The following TMEM132B variants were observed in gnomAD, a reference collection of about 807,000 sequenced individuals.
The protein encoded by TMEM132B is transmembrane protein 132B.
Under a neutral mutation model 90.8 loss-of-function variants are expected in TMEM132B, and 18 were observed. The ratio of observed to expected loss-of-function variants is 0.20; its 90% CI spans 0.14 to 0.29. The LOEUF is 0.29. Ranked by LOEUF, TMEM132B falls within the 10% of genes least tolerant of loss-of-function variation. TMEM132B has a pLI of 1.00. For missense variants in TMEM132B, 1,096 were observed against 1,326.8 expected, an observed-to-expected ratio of 0.83 and a Z score of 2.70; for synonymous variants, 504 against 523.3, an observed-to-expected ratio of 0.96 and a Z score of 0.50.
chr12:125,273,218 G>T (rs561592270), intron 1 of TMEM132B, among the ~76,000 whole-genome samples: 22 of 152,172 alleles, frequency 1.4e-4, no homozygotes, highest in African/African-American at 5.3e-4. Context: ...AACTTGAATA[G>T]ATACAAAATC....
At chr12:125,606,712 C>T (rs772087789) in intron 5 of TMEM132B, among the ~76,000 whole-genome samples, 21 of 152,214 alleles carry the variant, frequency 1.4e-4, no homozygotes, top group Non-Finnish European at 2.6e-4. Flanking sequence ...TGGGTCTTCT[C>T]TTTGACCTCC....
chr12:125,298,065 C>T (rs932705625), intron 1 of TMEM132B, among the ~76,000 whole-genome samples: 2 of 152,074 alleles, frequency 1.3e-5, no homozygotes, highest in African/African-American at 2.4e-5. Flanking sequence ...CCAGTCTGGG[C>T]AACATAGTGA....
chr12:125,267,591 A>G (rs910388362), intron 1 of TMEM132B, among the ~76,000 whole-genome samples: 1 of 152,164 alleles, frequency 6.6e-6, no homozygotes, highest in Admixed American at 6.5e-5. Flanking sequence ...ATGTTTCTCT[A>G]CTATACAGAA....
chr12:125,364,262 A>G (rs1878055271), intron 2 of TMEM132B, among the ~76,000 whole-genome samples: 1 of 152,074 alleles, frequency 6.6e-6, no homozygotes, highest in Admixed American at 6.6e-5. Context: ...ATTCCTCTCC[A>G]TACTCTTTTA....
At chr12:125,224,887 A>G (rs922636834) in intron 1 of TMEM132B, among the ~76,000 whole-genome samples, 6 of 152,256 alleles carry the variant, frequency 3.9e-5, no homozygotes, top group African/African-American at 1.4e-4. Flanking sequence ...TCCCAAGACC[A>G]CAATACCTAA....
intron 3 of TMEM132B, 78 bp from the exon 4 acceptor site, chr12:125,519,361 G>A (rs1883246588): frequency 1.4e-6 from 2 of 1,410,586 alleles, no homozygotes; most frequent in South Asian, 1.4e-5. Context: ...AAATAAGAAT[G>A]TGGCAATTTA....
intron 1 of TMEM132B, among the ~76,000 whole-genome samples, chr12:125,274,214 C>T (rs541426836): frequency 1.9e-4 from 29 of 152,272 alleles, no homozygotes; most frequent in African/African-American, 3.1e-4. Flanking sequence ...TGAAATGTGT[C>T]GCAGTGATTC....
intron 3 of TMEM132B, among the ~76,000 whole-genome samples, chr12:125,508,133 A>G (rs1000938536): frequency 4.6e-5 from 7 of 152,186 alleles, no homozygotes; most frequent in African/African-American, 1.7e-4. Context: ...GTTGCCTTTA[A>G]TGGGGAAGAC....
intron 4 of TMEM132B, among the ~76,000 whole-genome samples, chr12:125,572,587 CA>C (rs1884826940): frequency 6.6e-6 from 1 of 152,210 alleles, no homozygotes; most frequent in East Asian, 1.9e-4. Flanking sequence ...TGGACCAAGA[CA>C]GGTGGTATAT....
At chr12:125,239,275 G>A (rs1874010306) in intron 1 of TMEM132B, among the ~76,000 whole-genome samples, 1 of 152,168 alleles carries the variant, frequency 6.6e-6, no homozygotes, top group Non-Finnish European at 1.5e-5. Context: ...GATTTGTTCT[G>A]ACATATGTTC....
intron 1 of TMEM132B, among the ~76,000 whole-genome samples, chr12:125,250,380 A>G (rs1459687697): frequency 6.6e-6 from 1 of 152,210 alleles, no homozygotes; most frequent in Non-Finnish European, 1.5e-5. Flanking sequence ...TCCATCTTGC[A>G]CATATCAGGC....
At chr12:125,480,757 T>C (rs1259951707) in intron 3 of TMEM132B, among the ~76,000 whole-genome samples, 4 of 152,230 alleles carry the variant, frequency 2.6e-5, no homozygotes, top group African/African-American at 9.6e-5. Flanking sequence ...TAACTCATTT[T>C]ATGAGGCCAG....
chr12:125,243,930 C>T (rs921412140), intron 1 of TMEM132B, among the ~76,000 whole-genome samples: 5 of 152,214 alleles, frequency 3.3e-5, no homozygotes, highest in African/African-American at 9.6e-5. Flanking sequence ...CCCCTCTCCC[C>T]CCAGCCCCTG....
At chr12:125,529,309 C>T (rs1192766906) in intron 4 of TMEM132B, among the ~76,000 whole-genome samples, 5 of 152,152 alleles carry the variant, frequency 3.3e-5, no homozygotes, top group Non-Finnish European at 7.4e-5. Flanking sequence ...GTTGCTCAGG[C>T]TGGTCTCAAA....
At chr12:125,591,909 A>G (rs78174783) in intron 5 of TMEM132B, among the ~76,000 whole-genome samples, 1,947 of 152,164 alleles carry the variant, frequency 0.013, 44 homozygotes, top group African/African-American at 0.045. Context: ...ATCTGCAAAT[A>G]CCCTTTTTCT....
In TMEM132B at chr12:125,353,006, T is replaced by C. The variant is rs1877640141; in HGVS notation, c.959+2663T>C. On this transcript the variant is annotated intron_variant, in intron 2 of 8. Transcript: ENST00000682704. ...GGGTGGTCTAAAACCAGTTCTTGGC[T>C]CTGATAGAAACTAGAGAAGCCTGAA... Among the ~76,000 whole-genome samples, 3 of 152,322 alleles carry C rather than the reference T, an allele frequency of 2.0e-5. No homozygotes were observed. In the South Asian group the frequency reaches 6.2e-4, roughly 32 times the overall value.
At position 125,653,877 on chromosome 12, in the gene TMEM132B, G is replaced by T. The variant is rs1185379708; in HGVS notation, c.2419G>T (p.Asp807Tyr). Residue 807 changes from aspartate to tyrosine, a missense_variant, in exon 9 of 9, where the codon GAT becomes TAT. By Grantham distance (160) the Asp-to-Tyr change is radical. Coordinates refer to ENST00000682704, the MANE Select transcript of TMEM132B (RefSeq NM_001366854.1). ...TGATGAGCACCAAGGAGGCAGCAAT[G>T]ATATTGAGGGCATAAATCGGGAATA... ...SSDEHQGGSN[D>Y]IEGINREYKD... 5 of 1,614,044 alleles carry T rather than the reference G, an allele frequency of 3.1e-6. No homozygotes were observed.
At chr12:125,521,159 A>T (rs188511596) in intron 4 of TMEM132B, among the ~76,000 whole-genome samples, 1 of 152,312 alleles carries the variant, frequency 6.6e-6, no homozygotes, top group East Asian at 1.9e-4. Flanking sequence ...GTAGCACTGC[A>T]TTCACTGTGG....
At chr12:125,318,457 C>T (rs1308629273) in intron 1 of TMEM132B, among the ~76,000 whole-genome samples, 1 of 152,112 alleles carries the variant, frequency 6.6e-6, no homozygotes, top group African/African-American at 2.4e-5. Flanking sequence ...CATCTGTCAG[C>T]CCATCACCTA....
Sources: gnomAD v4.1 joint callset for allele counts (sites outside exome capture counted in the v4.1 genomes callset) on GRCh38, gnomAD v4.1.1 for gene constraint, MANE v1.5 for transcripts, NCBI Gene and HGNC (gene_info 2026-07-23, HGNC 2026-07-21) for gene names.